GALNT14: variants seen among roughly 807,000 people sequenced by gnomAD.
GALNT14 encodes the protein polypeptide N-acetylgalactosaminyltransferase 14, also known as UDP-GalNAc:polypeptide N-acetylgalactosaminyltransferase 14.
In GALNT14, 60 loss-of-function variants were observed where a neutral mutation model predicts 77.5. That is an observed-to-expected ratio of 0.77 (90% CI 0.63 to 0.96). The LOEUF (loss-of-function observed/expected upper bound fraction) is 0.96, where lower values mean the gene tolerates loss of function less well. Among genes scored for constraint, GALNT14 ranks in the 40% least tolerant of loss-of-function variants. GALNT14 has a pLI of 0.00. For synonymous variants in GALNT14, 280 were observed against 281.7 expected (o/e 0.99, Z 0.06); for missense variants, 710 against 731.0 (o/e 0.97, Z 0.33).
At chr2:31,036,108 A>G (rs1212351873) in intron 1 of GALNT14, among the ~76,000 whole-genome samples, 2 of 152,130 alleles carry the variant, frequency 1.3e-5, no homozygotes, top group African/African-American at 4.8e-5. Flanking sequence ...TTTTTGATTG[A>G]AGTGTTTATT....
chr2:30,974,278 T>C (rs553584115), intron 2 of GALNT14, among the ~76,000 whole-genome samples: 2 of 152,378 alleles, frequency 1.3e-5, no homozygotes, highest in African/African-American at 4.8e-5. Context: ...CATCTGGCTG[T>C]TTCTCTCCAC....
intron 1 of GALNT14, among the ~76,000 whole-genome samples, chr2:31,086,570 A>G (rs1014644199): frequency 6.6e-6 from 1 of 152,122 alleles, no homozygotes; most frequent in African/African-American, 2.4e-5. Flanking sequence ...GAAAAAAAAA[A>G]ACCATAAAAG....
At chr2:31,018,033 G>T (rs1380494296) in intron 1 of GALNT14, among the ~76,000 whole-genome samples, 1 of 152,168 alleles carries the variant, frequency 6.6e-6, no homozygotes, top group Non-Finnish European at 1.5e-5. Context: ...TACGGTCAGG[G>T]CCAGCCACTC....
chr2:30,892,209 C>A, the GALNT14 span, among the ~76,000 whole-genome samples: 1 of 151,950 alleles, frequency 6.6e-6, no homozygotes, highest in African/African-American at 2.4e-5. Context: ...TGAAAGAGAA[C>A]AAAGCAAAGA....
intron 1 of GALNT14, among the ~76,000 whole-genome samples, chr2:31,133,387 C>G (rs1679080270): frequency 6.6e-6 from 1 of 152,032 alleles, no homozygotes; most frequent in African/African-American, 2.4e-5. Context: ...AAATTATCTA[C>G]TAAATGAGGA....
chr2:30,936,510 T>C (rs1172357475), intron 9 of GALNT14, among the ~76,000 whole-genome samples: 1 of 152,218 alleles, frequency 6.6e-6, no homozygotes, highest in African/African-American at 2.4e-5. Flanking sequence ...AATAGCATTG[T>C]CCATTCTACT....
At chr2:31,098,610 A>C (rs1457944252) in intron 1 of GALNT14, among the ~76,000 whole-genome samples, 1 of 152,120 alleles carries the variant, frequency 6.6e-6, no homozygotes, top group Non-Finnish European at 1.5e-5. Flanking sequence ...AATAGATGTA[A>C]GTATAAATGC....
At chr2:31,114,079 T>A (rs1677974679) in intron 1 of GALNT14, among the ~76,000 whole-genome samples, 1 of 152,108 alleles carries the variant, frequency 6.6e-6, no homozygotes, top group South Asian at 2.1e-4. Flanking sequence ...CCTTAAAAAC[T>A]CTTAGTCTGT....
Position 30,954,304 on chromosome 2 carries a change from C to A in GALNT14, c.654+1314G>T, listed in dbSNP as rs547294700. Among the ~76,000 whole-genome samples the A allele has an allele frequency of 3.7e-4, 57 of 152,328 alleles. No homozygotes were observed. The South Asian group carries it at 0.011, about 30-fold the overall frequency. On this transcript the variant is annotated intron_variant, in intron 6 of 14. Transcript: ENST00000349752. ...GAGAGGCCCTTCAACATTTCCCAATCCAGACCTCTTTGCCTAGAAGATATC... is the reference window on the plus strand; with the variant it reads ...GAGAGGCCCTTCAACATTTCCCAATACAGACCTCTTTGCCTAGAAGATATC...
At chr2:30,982,195 T>C (rs1478059672) in intron 2 of GALNT14, among the ~76,000 whole-genome samples, 2 of 152,106 alleles carry the variant, frequency 1.3e-5, no homozygotes, top group African/African-American at 4.8e-5. Context: ...AGCCTCCTGG[T>C]AGGCAAAAAT....
chr2:30,909,953 C>T (rs942401096), downstream of GALNT14, among the ~76,000 whole-genome samples: 6 of 150,996 alleles, frequency 4.0e-5, no homozygotes, highest in Non-Finnish European at 1.5e-5. Flanking sequence ...AGTAAACTAT[C>T]GCAAGAACAA....
At chr2:30,981,082 C>T (rs1246697736) in intron 2 of GALNT14, among the ~76,000 whole-genome samples, 2 of 152,202 alleles carry the variant, frequency 1.3e-5, no homozygotes, top group Admixed American at 6.5e-5. Context: ...ACTCTAAGGG[C>T]TTACTGCATG....
chr2:31,072,263 T>A lies in GALNT14; in HGVS notation c.129+65695A>T, dbSNP rs62142967. Reference sequence around the variant, plus strand: ...ATGTCTCCTCTCTTTTCTCTCTCTCTCACACACACACACACACATACACAC... The same window carrying A: ...ATGTCTCCTCTCTTTTCTCTCTCTCACACACACACACACACACATACACAC... On this transcript the variant is annotated intron_variant, in intron 1 of 14. Coordinates refer to ENST00000349752, the MANE Select transcript of GALNT14 (RefSeq NM_024572.4). 2.3e-3 allele frequency among the ~76,000 whole-genome samples: 187 copies of A among 80,228 alleles called. 1 individual carries two copies. Among genetic ancestry groups the A allele is most frequent in the South Asian group, 4.7e-3 (14 of 2,960 alleles). The allele number at this position is 80,228 out of a possible 152,430, so 52.6% of individuals were successfully genotyped here.
the GALNT14 span, among the ~76,000 whole-genome samples, chr2:30,900,368 T>C: frequency 6.6e-6 from 1 of 152,264 alleles, no homozygotes; most frequent in Non-Finnish European, 1.5e-5. Context: ...TCCCTAAATC[T>C]ATGTGTATTA....
At chr2:30,993,739 T>G (rs977686676) in intron 1 of GALNT14, among the ~76,000 whole-genome samples, 1 of 152,216 alleles carries the variant, frequency 6.6e-6, no homozygotes, top group Non-Finnish European at 1.5e-5. Context: ...CCAAACCTTC[T>G]GAACTGAGTA....
At chr2:30,891,311 T>C in the GALNT14 span, among the ~76,000 whole-genome samples, 1 of 152,140 alleles carries the variant, frequency 6.6e-6, no homozygotes, top group African/African-American at 2.4e-5. Context: ...TGTGAGTGCC[T>C]GTGCTAGCCA....
chr2:30,892,005 A>G, the GALNT14 span, among the ~76,000 whole-genome samples: 1 of 152,214 alleles, frequency 6.6e-6, no homozygotes, highest in Non-Finnish European at 1.5e-5. Context: ...CCAAGAGCGA[A>G]CACCTACGAA....
chr2:31,014,433 G>C (rs1558493559), intron 1 of GALNT14, among the ~76,000 whole-genome samples: 1 of 152,130 alleles, frequency 6.6e-6, no homozygotes, highest in Non-Finnish European at 1.5e-5. Flanking sequence ...CAACCACACA[G>C]AGAGCAAACT....
intron 1 of GALNT14, among the ~76,000 whole-genome samples, chr2:31,059,960 A>G (rs951980791): frequency 6.6e-6 from 1 of 151,746 alleles, no homozygotes; most frequent in Non-Finnish European, 1.5e-5. Flanking sequence ...TATTTCCCCT[A>G]CTCTTTCAAT....
Sources: allele counts gnomAD v4.1 joint callset (sites outside exome capture counted in the v4.1 genomes callset), GRCh38; gene constraint gnomAD v4.1.1; transcripts MANE v1.5; gene names NCBI Gene and HGNC (gene_info 2026-07-23, HGNC 2026-07-21).